GPHN: variants seen among roughly 807,000 people sequenced by gnomAD.
GPHN encodes gephyrin.
Under a neutral mutation model 95.5 loss-of-function variants are expected in GPHN, and 17 were observed. That is an observed-to-expected ratio of 0.18 (90% CI 0.12 to 0.27). The LOEUF is 0.27. Ranked by LOEUF, GPHN falls within the 10% of genes least tolerant of loss-of-function variation. The probability of loss-of-function intolerance (pLI) is 1.00; values close to 1 mark genes in which losing one functional copy is unlikely to be tolerated. For synonymous variants in GPHN, 320 were observed against 322.5 expected (o/e 0.99, Z 0.08); for missense variants, 660 against 978.1 (o/e 0.67, Z 4.34).
chr14:67,546,540 G>A, the GPHN span, among the ~76,000 whole-genome samples: 3 of 152,020 alleles, frequency 2.0e-5, no homozygotes, highest in Non-Finnish European at 2.9e-5. Context: ...ACAGGCGCGC[G>A]CCACCACGCC....
chr14:67,665,913 T>C, the GPHN span, among the ~76,000 whole-genome samples: 1 of 152,206 alleles, frequency 6.6e-6, no homozygotes, highest in Admixed American at 6.5e-5. Flanking sequence ...TGACCATCTA[T>C]GATGTAACTG....
At chr14:66,898,991 A>G in intron 5 of GPHN, among the ~76,000 whole-genome samples, 1 of 151,914 alleles carries the variant, frequency 6.6e-6, no homozygotes, top group Non-Finnish European at 1.5e-5. Context: ...ATGGTGTTTT[A>G]TTATTAATTT....
the GPHN span, among the ~76,000 whole-genome samples, chr14:67,214,605 C>T: frequency 1.3e-5 from 2 of 152,054 alleles, no homozygotes; most frequent in Non-Finnish European, 2.9e-5. Context: ...AGCGTGGTGC[C>T]TCCAGCTTTG....
At chr14:67,634,798 G>A in the GPHN span, among the ~76,000 whole-genome samples, 1 of 152,216 alleles carries the variant, frequency 6.6e-6, no homozygotes, top group Non-Finnish European at 1.5e-5. Context: ...AGAGATTACA[G>A]TGGTTGGCTT....
intron 2 of GPHN, among the ~76,000 whole-genome samples, chr14:66,745,640 A>C (rs2153443893): frequency 6.6e-6 from 1 of 152,130 alleles, no homozygotes; most frequent in East Asian, 1.9e-4. Context: ...AGTGTTGCCA[A>C]TTATGAAAAA....
the GPHN span, among the ~76,000 whole-genome samples, chr14:67,718,353 C>T: frequency 6.6e-6 from 1 of 152,210 alleles, no homozygotes; most frequent in Non-Finnish European, 1.5e-5. Flanking sequence ...CCCTCTCACT[C>T]TATTTTGTAA....
chr14:67,418,783 C>T, the GPHN span, among the ~76,000 whole-genome samples: 3 of 152,186 alleles, frequency 2.0e-5, no homozygotes, highest in Admixed American at 6.5e-5. Flanking sequence ...AGAGGGACTA[C>T]GTGACTTGGA....
chr14:67,069,832 G>A (rs1051146967), intron 11 of GPHN, among the ~76,000 whole-genome samples: 1 of 152,130 alleles, frequency 6.6e-6, no homozygotes, highest in Non-Finnish European at 1.5e-5. Context: ...TTAAGCAGCA[G>A]TTTTTATTTT....
the GPHN span, among the ~76,000 whole-genome samples, chr14:67,368,855 T>C: frequency 1.5e-3 from 225 of 152,284 alleles, 1 homozygote; most frequent in Non-Finnish European, 1.5e-3. Flanking sequence ...AAACTATCTC[T>C]AGAAATAAGT....
intron 1 of GPHN, among the ~76,000 whole-genome samples, chr14:66,678,972 C>T (rs1461546736): frequency 1.3e-5 from 2 of 152,232 alleles, no homozygotes; most frequent in Non-Finnish European, 2.9e-5. Flanking sequence ...TGCACAGGCA[C>T]TGGCAGTGTT....
the GPHN span, among the ~76,000 whole-genome samples, chr14:67,688,923 T>C: frequency 6.6e-6 from 1 of 152,204 alleles, no homozygotes; most frequent in African/African-American, 2.4e-5. Context: ...CGGAACAACA[T>C]GGGCACTGAA....
the GPHN span, among the ~76,000 whole-genome samples, chr14:67,696,270 A>G: frequency 6.6e-6 from 1 of 152,174 alleles, no homozygotes; most frequent in Non-Finnish European, 1.5e-5. Flanking sequence ...TGCCTGGTTC[A>G]GTTTTCCCCA....
chr14:67,068,589 A>C (rs909714609), intron 11 of GPHN, among the ~76,000 whole-genome samples: 1 of 152,178 alleles, frequency 6.6e-6, no homozygotes, highest in Non-Finnish European at 1.5e-5. Flanking sequence ...TGGAAAAACT[A>C]TGAGCTTTTT....
At chr14:66,835,035 A>C (rs2061737771) in intron 4 of GPHN, among the ~76,000 whole-genome samples, 2 of 149,260 alleles carry the variant, frequency 1.3e-5, no homozygotes, top group African/African-American at 4.9e-5. Flanking sequence ...TTTCTAGTTT[A>C]TTTGCGTAGA....
At chr14:67,735,006 T>C in the GPHN span, among the ~76,000 whole-genome samples, 1 of 152,226 alleles carries the variant, frequency 6.6e-6, no homozygotes, top group African/African-American at 2.4e-5. Flanking sequence ...AGAGAAAATA[T>C]TTTAAATCTG....
chr14:66,853,006 G>A (rs1191674971), intron 4 of GPHN, among the ~76,000 whole-genome samples: 2 of 152,190 alleles, frequency 1.3e-5, no homozygotes, highest in Non-Finnish European at 2.9e-5. Context: ...ATTAATTGGT[G>A]AAAGGCTTCT....
intron 11 of GPHN, among the ~76,000 whole-genome samples, chr14:67,077,321 A>G (rs1332371778): frequency 2.6e-5 from 4 of 152,148 alleles, no homozygotes; most frequent in Non-Finnish European, 5.9e-5. Flanking sequence ...CTGTATGTTA[A>G]TGTAAGCATC....
At chr14:67,338,589 T>A in the GPHN span, 2 of 1,603,704 alleles carry the variant, frequency 1.2e-6, no homozygotes, top group Non-Finnish European at 1.7e-6. Context: ...AAGCCAGTGT[T>A]AGGGTTTCTC....
the GPHN span, among the ~76,000 whole-genome samples, chr14:67,441,686 G>A: frequency 6.7e-6 from 1 of 148,456 alleles, no homozygotes; most frequent in Admixed American, 6.6e-5. Context: ...ATGGTGGGCG[G>A]GCCTCATCCA....
Sources: allele counts gnomAD v4.1 joint callset (sites outside exome capture counted in the v4.1 genomes callset), GRCh38; gene constraint gnomAD v4.1.1; transcripts MANE v1.5; gene names NCBI Gene and HGNC (gene_info 2026-07-23, HGNC 2026-07-21).